The following DIS3L variants were observed in gnomAD, a reference collection of about 807,000 sequenced individuals.
DIS3L encodes the protein DIS3 like exosome 3'-5' exoribonuclease.
In DIS3L, 100 loss-of-function variants were observed where a neutral mutation model predicts 120.3. The observed-to-expected ratio is 0.83, with a 90% confidence interval of 0.71 to 0.98. The LOEUF is 0.98. Among genes scored for constraint, DIS3L ranks in the 50% least tolerant of loss-of-function variants. The pLI, the probability that DIS3L is intolerant of heterozygous loss-of-function variation, is 0.00. For synonymous variants in DIS3L, 426 were observed against 470.6 expected, an observed-to-expected ratio of 0.91 and a Z score of 1.23; for missense variants, 1,196 against 1,314.2, an observed-to-expected ratio of 0.91 and a Z score of 1.39.
intron 2 of DIS3L, 151 bp from the exon 3 acceptor site, chr15:66,306,673 C>A: frequency 2.7e-6 from 3 of 1,098,286 alleles, no homozygotes; most frequent in African/African-American, 1.6e-5. Context: ...TAGGACTGAG[C>A]ACACTGAGAC....
chr15:66,311,904 A>G lies in DIS3L; in HGVS notation c.735+4A>G. 6.2e-7 allele frequency: 1 copy of G among 1,613,504 alleles called. No individual in the cohort carries two copies. The highest frequency in any genetic ancestry group is 8.5e-7 in the Non-Finnish European group (1 of 1,179,630). ...TAAATCTGGACGCTATATCCAGGTG[A>G]GGGTGGTAATTTAGAATGTGTCAGG... is the stretch of plus-strand genomic sequence containing the variant. On this transcript the variant is annotated splice_donor_region_variant and intron_variant, in intron 5 of 16. Transcript: ENST00000319212.
At chr15:66,323,693 C>T in intron 11 of DIS3L, 108 bp downstream of exon 11, 1 of 1,146,410 alleles carries the variant, frequency 8.7e-7, no homozygotes, top group South Asian at 1.3e-5. Flanking sequence ...CACCCCAGCC[C>T]TGTGTCTCCC....
chr15:66,318,325 G>T, intron 7 of DIS3L, 124 bp from the exon 8 acceptor site: 3 of 1,051,376 alleles, frequency 2.9e-6, no homozygotes, highest in Non-Finnish European at 4.1e-6. Flanking sequence ...GAGTTGGGTG[G>T]ATGTGCTTGA....
intron 14 of DIS3L, 28 bp downstream of exon 14, chr15:66,329,427 C>A (rs181715974): frequency 6.3e-7 from 1 of 1,587,066 alleles, no homozygotes; most frequent in African/African-American, 1.4e-5. Flanking sequence ...AATTCTCTTA[C>A]CTGTCATCTC....
In DIS3L at chr15:66,322,935, G is replaced by A. The variant is rs1452131141; in HGVS notation, c.1574+1G>A. The A allele has an allele frequency of 2.5e-6, 4 of 1,613,756 alleles. No individual in the cohort carries two copies. Among genetic ancestry groups the A allele is most frequent in the Non-Finnish European group, 3.4e-6 (4 of 1,179,920 alleles). ...ACATTGATATTGAAGCTAGAACAAG[G>A]TAATGCTATTTGAAATCAGCTCTAT... On this transcript the variant is annotated splice_donor_variant, in intron 10 of 16. Coordinates refer to ENST00000319212, the MANE Select transcript of DIS3L (RefSeq NM_001143688.3). LOFTEE classifies it high-confidence loss of function.
intron 3 of DIS3L, among the ~76,000 whole-genome samples, chr15:66,307,416 C>G (rs1348679292): frequency 6.6e-6 from 1 of 152,058 alleles, no homozygotes; most frequent in Non-Finnish European, 1.5e-5. Context: ...CCCACCTCAG[C>G]CTCCCAAGTA....
intron 7 of DIS3L, 115 bp from the exon 8 acceptor site, chr15:66,318,334 G>GA (rs2092842291): frequency 9.5e-5 from 116 of 1,219,318 alleles, no homozygotes; most frequent in Middle Eastern, 2.9e-4. Context: ...GGATGTGCTT[G>GA]AAAAAAAATA....
intron 14 of DIS3L, chr15:66,329,955 C>G: frequency 1.0e-6 from 1 of 984,618 alleles, no homozygotes; most frequent in East Asian, 1.1e-4. Context: ...CACCTGTTAT[C>G]TTACCACCCA....
At chr15:66,294,191 G>T (rs867674835) in intron 1 of DIS3L, 2 of 985,512 alleles carry the variant, frequency 2.0e-6, no homozygotes, top group African/African-American at 3.5e-5. Context: ...TGACCTGCCC[G>T]CACTGTTGCC....
At chr15:66,294,334 A>G (rs1267645237) in intron 1 of DIS3L, 15 of 985,512 alleles carry the variant, frequency 1.5e-5, no homozygotes, top group Non-Finnish European at 1.8e-5. Context: ...CTAGGCCACA[A>G]GGGTGGCCGA....
rs2092936251 is a variant in DIS3L, at chr15:66,326,243, A to C, written c.2080A>C (p.Lys694Gln). Residue 694 changes from lysine (K) to glutamine (Q), a missense_variant, in exon 12 of 17, where the codon AAA (lysine) becomes CAA (glutamine). Lys to Gln is a moderately conservative substitution (Grantham distance 53, BLOSUM62 1). Coordinates refer to ENST00000319212, the MANE Select transcript of DIS3L (RefSeq NM_001143688.3). ...CMILANHWVA[K>Q]KIWESFPHQA... Reference sequence around the variant, plus strand: ...GATCCTGGCCAACCACTGGGTCGCCAAAAAGATCTGGGAGAGCTTCCCTCA... The same window carrying C: ...GATCCTGGCCAACCACTGGGTCGCCCAAAAGATCTGGGAGAGCTTCCCTCA... The C allele has an allele frequency of 1.9e-6, 3 of 1,614,166 alleles. No individual in the cohort carries two copies. The highest frequency in any genetic ancestry group is 2.5e-6 in the Non-Finnish European group (3 of 1,180,024).
In DIS3L at chr15:66,329,581, G is replaced by A. The variant is rs185789551; in HGVS notation, c.2535+182G>A. On this transcript the variant is annotated intron_variant, in intron 14 of 16. Coordinates refer to ENST00000319212, the MANE Select transcript of DIS3L (RefSeq NM_001143688.3). ...AACTTGTGGATTTGGGAGATTTGACGGTAGATTATCAGATTTTTTTTTTTC... is the reference window on the plus strand; with the variant it reads ...AACTTGTGGATTTGGGAGATTTGACAGTAGATTATCAGATTTTTTTTTTTC... 1.1e-5 allele frequency: 15 copies of A among 1,306,776 alleles called. No individual in the cohort carries two copies. The East Asian group carries it at 2.4e-4, about 21-fold the overall frequency. 80.9% of individuals were successfully genotyped at this position (1,306,776 alleles called of 1,614,324 possible).
intron 8 of DIS3L, among the ~76,000 whole-genome samples, chr15:66,319,455 G>A (rs987247749): frequency 3.9e-5 from 6 of 152,068 alleles, no homozygotes; most frequent in South Asian, 2.1e-4. Context: ...ATAGAAATAC[G>A]ATCACTCTGC....
intron 7 of DIS3L, among the ~76,000 whole-genome samples, chr15:66,317,356 AAAAAAAG>A (rs2092829440): frequency 6.6e-6 from 1 of 150,664 alleles, no homozygotes; most frequent in Admixed American, 6.7e-5. Flanking sequence ...AAAAAAAAAA[AAAAAAAG>A]AAAAAAGAGA....
intron 5 of DIS3L, among the ~76,000 whole-genome samples, chr15:66,313,459 G>T (rs59325365): frequency 5.4e-4 from 82 of 152,126 alleles, no homozygotes; most frequent in African/African-American, 1.9e-3. Context: ...TCCTACCCAC[G>T]CATGGTTTCT....
intron 2 of DIS3L, 80 bp from the exon 3 acceptor site, chr15:66,306,744 T>A (rs1333254278): frequency 1.3e-6 from 2 of 1,585,382 alleles, no homozygotes; most frequent in African/African-American, 1.3e-5. Context: ...AAATACCCCA[T>A]CCTTTTTTGA....
chr15:66,303,820 G>A (rs540143979), intron 2 of DIS3L, among the ~76,000 whole-genome samples: 5 of 152,184 alleles, frequency 3.3e-5, no homozygotes, highest in Non-Finnish European at 5.9e-5. Flanking sequence ...GGCCGGGCGC[G>A]GTGGCTCATG....
At chr15:66,309,389 T>C (rs2092738330) in intron 4 of DIS3L, among the ~76,000 whole-genome samples, 1 of 151,946 alleles carries the variant, frequency 6.6e-6, no homozygotes. Context: ...AACTAACATT[T>C]ATAACTATAA....
intron 15 of DIS3L, among the ~76,000 whole-genome samples, chr15:66,332,494 G>GTGTGTGTGTGTATACACACATATATA (rs1555405589): frequency 1.1e-4 from 13 of 116,900 alleles, no homozygotes; most frequent in Admixed American, 2.0e-4. Flanking sequence ...GAGTGTGTGT[G>GTGTGTGTGTGTATACACACATATATA]TGTGTGTGTG....
Sources: allele counts gnomAD v4.1 joint callset (sites outside exome capture counted in the v4.1 genomes callset), GRCh38; gene constraint gnomAD v4.1.1; transcripts MANE v1.5; gene names NCBI Gene and HGNC (gene_info 2026-07-23, HGNC 2026-07-21).